GMPS: variants seen among roughly 807,000 people sequenced by gnomAD.
GMPS encodes guanosine monophosphate synthase, also known as GMP synthase [glutamine-hydrolyzing].
In GMPS, 15 loss-of-function variants were observed where a neutral mutation model predicts 77.9. The ratio of observed to expected loss-of-function variants is 0.19; its 90% CI spans 0.13 to 0.30. The LOEUF (loss-of-function observed/expected upper bound fraction) is 0.30, where lower values mean the gene tolerates loss of function less well. GMPS is among the 10% of genes least tolerant of loss of function. The pLI is 1.00. For synonymous variants in GMPS, 224 were observed against 275.9 expected (o/e 0.81, Z 1.86); for missense variants, 590 against 838.8 (o/e 0.70, Z 3.66).
In GMPS at chr3:155,939,659, C is replaced by T. The variant is rs1755844759; in HGVS notation, c.*1967C>T. 1.0e-5 allele frequency: 2 copies of T among 191,812 alleles called. No individual in the cohort carries two copies. The highest frequency in any genetic ancestry group is 2.2e-5 in the Non-Finnish European group (2 of 91,716). 11.9% of individuals were successfully genotyped at this position (191,812 alleles called of 1,614,324 possible). On this transcript the variant is annotated 3_prime_UTR_variant, in exon 16 of 16. Transcript: ENST00000496455. ...TTGAACACCTTTTATATAATCCCTTCTAATATATACTTAGTATATACTTAA... is the reference window on the plus strand; with the variant it reads ...TTGAACACCTTTTATATAATCCCTTTTAATATATACTTAGTATATACTTAA...
intron 7 of GMPS, among the ~76,000 whole-genome samples, chr3:155,912,464 G>T (rs1053759897): frequency 1.3e-5 from 2 of 152,192 alleles, no homozygotes; most frequent in African/African-American, 4.8e-5. Context: ...TTGATAATTT[G>T]TAGTTGTTTA....
chr3:155,871,813 G>T (rs532727300), intron 1 of GMPS, among the ~76,000 whole-genome samples: 43 of 152,338 alleles, frequency 2.8e-4, no homozygotes, highest in African/African-American at 9.6e-4. Flanking sequence ...ACGTTTGACC[G>T]CTGCTGCTCA....
intron 11 of GMPS, 28 bp from the exon 12 acceptor site, chr3:155,925,213 G>GA (rs1312312396): frequency 6.9e-6 from 11 of 1,590,656 alleles, no homozygotes; most frequent in Non-Finnish European, 7.7e-6. Flanking sequence ...TCTTAAAACT[G>GA]AAAAAATGCC....
chr3:155,887,936 A>G (rs1754373834), intron 1 of GMPS, among the ~76,000 whole-genome samples: 1 of 152,244 alleles, frequency 6.6e-6, no homozygotes. Context: ...AAAAAGGGAT[A>G]GGGTAGAACA....
intron 4 of GMPS, 48 bp downstream of exon 4, chr3:155,904,008 A>T (rs772177894): frequency 4.1e-6 from 3 of 736,676 alleles, no homozygotes; most frequent in Non-Finnish European, 6.8e-6. Context: ...AACTAATTTA[A>T]AGTTGATACT....
chr3:155,874,214 G>C (rs1251729960), intron 1 of GMPS, among the ~76,000 whole-genome samples: 3 of 152,106 alleles, frequency 2.0e-5, no homozygotes, highest in African/African-American at 7.2e-5. Flanking sequence ...TGGGTGACTT[G>C]TCAAGTTTCC....
At chr3:155,901,913 A>G (rs946332072) in intron 3 of GMPS, among the ~76,000 whole-genome samples, 1 of 152,106 alleles carries the variant, frequency 6.6e-6, no homozygotes, top group Non-Finnish European at 1.5e-5. Flanking sequence ...TTCACTCTTT[A>G]TGGTTTCACT....
intron 7 of GMPS, among the ~76,000 whole-genome samples, chr3:155,912,616 G>C (rs952874875): frequency 1.3e-5 from 2 of 152,204 alleles, no homozygotes; most frequent in African/African-American, 4.8e-5. Context: ...AATTATTTCT[G>C]TGTATAGTTA....
Position 155,911,288 on chromosome 3 carries a change from G to A in GMPS, c.886+9G>A. The A allele has an allele frequency of 6.4e-7, 1 of 1,573,502 alleles. No homozygotes were observed. The highest frequency in any genetic ancestry group is 8.6e-7 in the Non-Finnish European group (1 of 1,158,372). On this transcript the variant is annotated intron_variant, in intron 7 of 15. Coordinates refer to ENST00000496455, the MANE Select transcript of GMPS (RefSeq NM_003875.3). ...TGGAATTCAGGTCAAAGGTATTGAA[G>A]AACCTCAGAAAAGTTAACTTACATG...
Position 155,911,110 on chromosome 3 carries a change from G to A in GMPS, c.721-4G>A, listed in dbSNP as rs779764948. ...TCATTTTGATTTTTCATTTTACCCC[G>A]TAGGTTTTACTCAGTGGTGGAGTAG... On this transcript the variant is annotated splice_polypyrimidine_tract_variant and splice_region_variant and intron_variant, in intron 6 of 15. Coordinates refer to ENST00000496455, the MANE Select transcript of GMPS (RefSeq NM_003875.3). 211 of 1,583,970 alleles carry A rather than the reference G, an allele frequency of 1.3e-4. No individual in the cohort carries two copies. The highest frequency in any genetic ancestry group is 1.7e-4 in the Non-Finnish European group (201 of 1,166,888).
chr3:155,930,907 G>T (rs939198547), intron 12 of GMPS, among the ~76,000 whole-genome samples: 5 of 151,968 alleles, frequency 3.3e-5, no homozygotes, highest in Non-Finnish European at 7.4e-5. Context: ...CGATAGCCTC[G>T]ACCTCGTTGG....
Position 155,870,909 on chromosome 3 carries a change from G to T in GMPS, c.27+12G>T. The stretch of plus-strand genomic sequence containing the variant: ...ACGGAGACTCCAAGGTCAGCGTGGG[G>T]GTCCCTGCAGCACCGCATCCCGGCG... On this transcript the variant is annotated intron_variant, in intron 1 of 15. Coordinates refer to ENST00000496455, the MANE Select transcript of GMPS (RefSeq NM_003875.3). 1 of 1,498,474 alleles carries T rather than the reference G, an allele frequency of 6.7e-7. No individual in the cohort carries two copies. The allele number at this position is 1,498,474 out of a possible 1,614,324, so 92.8% of individuals were successfully genotyped here. A position where few individuals can be genotyped will look rare whatever the true frequency, so the allele number is the denominator to read the frequency against.
Position 155,913,026 on chromosome 3 carries a change from CTAA to C in GMPS, c.887-1390_887-1388del, listed in dbSNP as rs141827806. ...ACGAGAGGTTCTGGGCTTGAGCCTACTAATACCAGGCATAGTTGAGGGTGGAGG... is the reference window on the plus strand; with the variant it reads ...ACGAGAGGTTCTGGGCTTGAGCCTACTACCAGGCATAGTTGAGGGTGGAGG... On this transcript the variant is annotated intron_variant, in intron 7 of 15. Transcript: ENST00000496455. Among the ~76,000 whole-genome samples, 9 of 152,322 alleles carry C rather than the reference CTAA, an allele frequency of 5.9e-5. No homozygotes were observed. The East Asian group carries it at 1.7e-3, about 29-fold the overall frequency.
chr3:155,895,580 G>C (rs994493249), intron 2 of GMPS: 2 of 152,132 alleles, frequency 1.3e-5, no homozygotes, highest in Non-Finnish European at 2.9e-5. Flanking sequence ...CAAAGTGCTG[G>C]GATTACAGGC....
intron 3 of GMPS, among the ~76,000 whole-genome samples, chr3:155,901,360 TATTGA>T (rs1291171890): frequency 6.6e-6 from 1 of 152,226 alleles, no homozygotes; most frequent in East Asian, 1.9e-4. Context: ...TCATTTTCAC[TATTGA>T]ATTTGTTTGA....
chr3:155,885,940 C>T (rs951795262), intron 1 of GMPS, among the ~76,000 whole-genome samples: 12 of 152,168 alleles, frequency 7.9e-5, no homozygotes, highest in African/African-American at 2.9e-4. Context: ...AGTGCCTCAG[C>T]CTCCGGTGTA....
chr3:155,898,855 G>A (rs1327816080), intron 3 of GMPS, among the ~76,000 whole-genome samples: 3 of 152,164 alleles, frequency 2.0e-5, no homozygotes, highest in Non-Finnish European at 4.4e-5. Flanking sequence ...TGTTAACTTG[G>A]ATTATTTGGG....
chr3:155,899,039 T>A (rs1233741196), intron 3 of GMPS, among the ~76,000 whole-genome samples: 2 of 152,282 alleles, frequency 1.3e-5, no homozygotes, highest in Non-Finnish European at 2.9e-5. Context: ...GAGACCAGCC[T>A]GACCAACATG....
intron 4 of GMPS, among the ~76,000 whole-genome samples, chr3:155,904,189 G>A (rs946027460): frequency 2.7e-4 from 41 of 152,218 alleles, no homozygotes; most frequent in East Asian, 1.9e-4. Flanking sequence ...GAAAACGCCT[G>A]TGCAGTTGTG....
Sources: allele counts gnomAD v4.1 joint callset (sites outside exome capture counted in the v4.1 genomes callset), GRCh38; gene constraint gnomAD v4.1.1; transcripts MANE v1.5; gene names NCBI Gene and HGNC (gene_info 2026-07-23, HGNC 2026-07-21).